The following DNTT variants were observed in gnomAD, a reference collection of about 807,000 sequenced individuals.
DNTT encodes DNA nucleotidylexotransferase.
A neutral mutation model predicts 60.9 loss-of-function variants in DNTT; 47 were observed. The observed-to-expected ratio is 0.77, with a 90% CI of 0.61 to 0.98. DNTT has a LOEUF of 0.98. Ranked by LOEUF, DNTT falls within the 50% of genes least tolerant of loss-of-function variation. The pLI, the probability that DNTT is intolerant of heterozygous loss-of-function variation, is 0.00. For synonymous variants in DNTT, 224 were observed against 221.2 expected (o/e 1.01, Z -0.11); for missense variants, 665 against 627.5 (o/e 1.06, Z -0.64).
At chr10:96,336,085 C>A in intron 10 of DNTT, 111 bp downstream of exon 10, 2 of 1,046,068 alleles carry the variant, frequency 1.9e-6, no homozygotes, top group South Asian at 1.3e-5. Flanking sequence ...CTTTGTCATG[C>A]GTGTTCTATT....
At chr10:96,316,528 CCTT>C (rs1387531033) in intron 1 of DNTT, among the ~76,000 whole-genome samples, 1 of 152,174 alleles carries the variant, frequency 6.6e-6, no homozygotes, top group Non-Finnish European at 1.5e-5. Context: ...GCTTCTAAGA[CCTT>C]CTAGAATGTA....
At chr10:96,309,480 G>A (rs1844683180) in intron 1 of DNTT, among the ~76,000 whole-genome samples, 1 of 150,272 alleles carries the variant, frequency 6.7e-6, no homozygotes, top group Admixed American at 6.6e-5. Context: ...AAAAAAAAAA[G>A]TTAGCATTTG....
intron 6 of DNTT, among the ~76,000 whole-genome samples, chr10:96,326,568 G>C (rs1018097362): frequency 9.2e-5 from 14 of 152,160 alleles, no homozygotes; most frequent in Admixed American, 8.5e-4. Flanking sequence ...AGGACCAATA[G>C]ATTTACTCTT....
chr10:96,308,701 G>A (rs1305069242), intron 1 of DNTT, among the ~76,000 whole-genome samples: 1 of 152,192 alleles, frequency 6.6e-6, no homozygotes, highest in East Asian at 1.9e-4. Context: ...GTCAGCAAAG[G>A]GTGGTGGGAT....
chr10:96,316,686 A>T (rs1484074400), intron 1 of DNTT, among the ~76,000 whole-genome samples: 2 of 152,160 alleles, frequency 1.3e-5, no homozygotes, highest in South Asian at 2.1e-4. Context: ...TAGGTGTGTC[A>T]TTCAGGACTA....
At chr10:96,314,865 A>G (rs1043885288) in intron 1 of DNTT, among the ~76,000 whole-genome samples, 13 of 152,122 alleles carry the variant, frequency 8.5e-5, no homozygotes, top group Non-Finnish European at 1.5e-5. Flanking sequence ...TGTTCAGAGC[A>G]GAGAGAAAAC....
intron 6 of DNTT, among the ~76,000 whole-genome samples, chr10:96,325,042 G>A (rs1844923694): frequency 6.6e-6 from 1 of 152,162 alleles, no homozygotes. Context: ...AGCCTGGCAG[G>A]GCCTCTCAGA....
At chr10:96,309,478 AAGTT>A (rs1212859465) in intron 1 of DNTT, among the ~76,000 whole-genome samples, 1 of 152,042 alleles carries the variant, frequency 6.6e-6, no homozygotes, top group East Asian at 1.9e-4. Context: ...AAAAAAAAAA[AAGTT>A]AGCATTTGCC....
At chr10:96,328,930 C>A in intron 8 of DNTT, 100 bp downstream of exon 8, 1 of 1,158,872 alleles carries the variant, frequency 8.6e-7, no homozygotes, top group Middle Eastern at 2.3e-4. Flanking sequence ...ACCATCTAAT[C>A]AATTCTCAAT....
intron 1 of DNTT, among the ~76,000 whole-genome samples, chr10:96,306,108 T>TTTG (rs754883940): frequency 0.08 from 11,976 of 150,482 alleles, 586 homozygotes; most frequent in South Asian, 0.15. Flanking sequence ...TTTTTTTTTT[T>TTTG]TTTGAGACAG....
chr10:96,316,861 C>A (rs191973519), intron 1 of DNTT, among the ~76,000 whole-genome samples: 1 of 152,120 alleles, frequency 6.6e-6, no homozygotes, highest in East Asian at 1.9e-4. Context: ...CTTCCTTTTT[C>A]TTCTTTGGTA....
chr10:96,326,342 A>G (rs565376249), intron 6 of DNTT, among the ~76,000 whole-genome samples: 1 of 152,184 alleles, frequency 6.6e-6, no homozygotes, highest in African/African-American at 2.4e-5. Flanking sequence ...AAAAATAAGT[A>G]TCATATTGAA....
chr10:96,320,897 T>A, intron 4 of DNTT, 109 bp downstream of exon 4: 1 of 1,353,026 alleles, frequency 7.4e-7, no homozygotes, highest in Non-Finnish European at 1.0e-6. Context: ...GTGGTGTACA[T>A]CACAAATTTT....
At position 96,314,402 on chromosome 10, in the gene DNTT, C is replaced by CTTTTTTTTTTTTTTTTTTTTTT. The variant is rs869059822; in HGVS notation, c.204-3943_204-3922dup. Among the ~76,000 whole-genome samples, 62 of 53,214 alleles carry CTTTTTTTTTTTTTTTTTTTTTT rather than the reference C, an allele frequency of 1.2e-3. 20 individuals carry two copies. Among genetic ancestry groups the CTTTTTTTTTTTTTTTTTTTTTT allele is most frequent in the South Asian group, 2.7e-3 (3 of 1,124 alleles). The allele number at this position is 53,214 out of a possible 152,430, so 34.9% of individuals were successfully genotyped here. On this transcript the variant is annotated intron_variant, in intron 1 of 10. Transcript: ENST00000371174. Reference sequence around the variant, plus strand: ...TAACATTTCCAAGGCTATCTCTTCCCTTTTTTTTTTTTTTTTTTTTTTTTT... The same window carrying CTTTTTTTTTTTTTTTTTTTTTT: ...TAACATTTCCAAGGCTATCTCTTCCCTTTTTTTTTTTTTTTTTTTTTTTTTTTTTTTTTTTTTTTTTTTTTTT...
Position 96,322,676 on chromosome 10 carries a change from AAAG to A in DNTT, c.699_701del (p.Glu233_Ser234delinsAsp). 1 of 1,602,840 alleles carries A rather than the reference AAAG, an allele frequency of 6.2e-7. No individual in the cohort carries two copies. Among genetic ancestry groups the A allele is most frequent in the Non-Finnish European group, 8.5e-7 (1 of 1,171,796 alleles). On this transcript the variant is annotated inframe_deletion, in exon 5 of 11. Transcript: ENST00000371174. ...CATTAGGAGATTATTGAAGATGGAG[AAAG>A]TTCTGAAGTTAAAGCTGTGTTAAAT... is the stretch of plus-strand genomic sequence containing the variant.
At chr10:96,315,362 T>C (rs1589370800) in intron 1 of DNTT, among the ~76,000 whole-genome samples, 1 of 152,142 alleles carries the variant, frequency 6.6e-6, no homozygotes, top group South Asian at 2.1e-4. Flanking sequence ...AATACTGAGC[T>C]CTGAGTAGCA....
chr10:96,322,759 T>C (rs747670200), intron 5 of DNTT, 31 bp downstream of exon 5: 3 of 1,541,092 alleles, frequency 1.9e-6, no homozygotes, highest in South Asian at 1.2e-5. Context: ...TTATTGAAAA[T>C]TGTTTTTCAG....
intron 7 of DNTT, among the ~76,000 whole-genome samples, chr10:96,328,405 C>T (rs1444719780): frequency 2.6e-5 from 4 of 152,054 alleles, no homozygotes; most frequent in African/African-American, 9.7e-5. Flanking sequence ...TCTTAGTTTG[C>T]TTGTTGTCAT....
Position 96,318,485 on chromosome 10 carries a change from G to T in DNTT, c.337G>T (p.Ala113Ser), listed in dbSNP as rs1333489014. 1 of 1,613,756 alleles carries T rather than the reference G, an allele frequency of 6.2e-7. No individual in the cohort carries two copies. Among genetic ancestry groups the T allele is most frequent in the Non-Finnish European group, 8.5e-7 (1 of 1,179,778 alleles). The change falls in exon 2 of 11, where the codon GCA becomes TCA. Residue 113 changes from alanine to serine, a missense_variant. Physicochemically the swap from Ala to Ser is moderately conservative, Grantham distance 99. Coordinates refer to ENST00000371174, the MANE Select transcript of DNTT (RefSeq NM_004088.4). ...DVSWLIECIR[A>S]GKPVEMTGKH... ...CTCCTGGCTGATCGAATGCATAAGA[G>T]CAGGGAAACCGGTGGAAATGACAGG... is the stretch of plus-strand genomic sequence containing the variant.
Sources: allele counts gnomAD v4.1 joint callset (sites outside exome capture counted in the v4.1 genomes callset), GRCh38; gene constraint gnomAD v4.1.1; transcripts MANE v1.5; gene names NCBI Gene and HGNC (gene_info 2026-07-23, HGNC 2026-07-21).